APP: variants seen among roughly 807,000 people sequenced by gnomAD.
APP encodes the protein amyloid-beta precursor protein.
Under a neutral mutation model 101.4 loss-of-function variants are expected in APP, and 31 were observed. The ratio of observed to expected loss-of-function variants is 0.31; its 90% CI spans 0.23 to 0.41. The LOEUF (loss-of-function observed/expected upper bound fraction) is 0.41. Ranked by LOEUF, APP falls within the 10% of genes least tolerant of loss-of-function variation. The probability of loss-of-function intolerance (pLI) is 1.00; values close to 1 mark genes in which losing one functional copy is unlikely to be tolerated. For synonymous variants in APP, 366 were observed against 364.4 expected, an observed-to-expected ratio of 1.00 and a Z score of -0.05; for missense variants, 839 against 1,003.7, an observed-to-expected ratio of 0.84 and a Z score of 2.22.
chr21:26,016,203 T>C (rs2044053025), intron 6 of APP, among the ~76,000 whole-genome samples: 1 of 152,150 alleles, frequency 6.6e-6, no homozygotes, highest in South Asian at 2.1e-4. Flanking sequence ...GCTAATTTTT[T>C]TGTATTTTTA....
intron 17 of APP, among the ~76,000 whole-genome samples, chr21:25,885,073 C>T (rs1293245640): frequency 1.3e-5 from 2 of 152,242 alleles, no homozygotes; most frequent in African/African-American, 2.4e-5. Context: ...GCCATTCCTG[C>T]CATGGGGCAG....
intron 1 of APP, among the ~76,000 whole-genome samples, chr21:26,135,146 C>T (rs1030168635): frequency 7.9e-5 from 12 of 152,172 alleles, no homozygotes; most frequent in African/African-American, 2.9e-4. Context: ...TACAATTATG[C>T]TCTGTGCATA....
intron 2 of APP, among the ~76,000 whole-genome samples, chr21:26,098,332 T>A (rs982811676): frequency 6.6e-6 from 1 of 151,902 alleles, no homozygotes; most frequent in African/African-American, 2.4e-5. Flanking sequence ...CTTCTCACTA[T>A]CTCTCCAAGT....
Position 25,975,231 on chromosome 21 carries a change from G to A in APP, c.1300-3C>T, listed in dbSNP as rs1342453998. The A allele has an allele frequency of 6.2e-7, 1 of 1,614,160 alleles. No homozygotes were observed. Among genetic ancestry groups the A allele is most frequent in the Non-Finnish European group, 8.5e-7 (1 of 1,180,014 alleles). On this transcript the variant is annotated splice_region_variant and splice_polypyrimidine_tract_variant and intron_variant, in intron 10 of 17. Transcript: ENST00000346798. ...GATTCCACTTTCTCCTGGAAATGCT[G>A]CCATCATAAACACATATGTCCATGG...
intron 13 of APP, among the ~76,000 whole-genome samples, chr21:25,914,698 C>G (rs1296288733): frequency 6.6e-6 from 1 of 151,990 alleles, no homozygotes; most frequent in Admixed American, 6.6e-5. Flanking sequence ...GGACTACAGG[C>G]GCCCGCCACC....
chr21:26,017,925 T>C (rs2044173698), intron 6 of APP, among the ~76,000 whole-genome samples: 2 of 152,134 alleles, frequency 1.3e-5, no homozygotes, highest in African/African-American at 4.8e-5. Flanking sequence ...ACCAGATAGA[T>C]CTTGCAATCG....
At chr21:25,963,493 G>T (rs1166246805) in intron 11 of APP, among the ~76,000 whole-genome samples, 2 of 152,148 alleles carry the variant, frequency 1.3e-5, no homozygotes, top group Admixed American at 1.3e-4. Flanking sequence ...CACTGTACGG[G>T]AATCACCCCA....
intron 1 of APP, among the ~76,000 whole-genome samples, chr21:26,132,802 A>G (rs1365920101): frequency 6.6e-6 from 1 of 152,244 alleles, no homozygotes; most frequent in African/African-American, 2.4e-5. Context: ...CACCATCACA[A>G]CAGAACCCTA....
At chr21:25,897,083 T>C (rs942195774) in intron 16 of APP, among the ~76,000 whole-genome samples, 1 of 152,182 alleles carries the variant, frequency 6.6e-6, no homozygotes, top group Non-Finnish European at 1.5e-5. Context: ...ATGCACGAAC[T>C]TTGCTGCCTT....
At chr21:26,059,656 C>T (rs146737571) in intron 3 of APP, among the ~76,000 whole-genome samples, 5 of 152,072 alleles carry the variant, frequency 3.3e-5, no homozygotes, top group African/African-American at 1.2e-4. Context: ...TTTGGGAGGC[C>T]GAGACGGGTG....
intron 17 of APP, among the ~76,000 whole-genome samples, chr21:25,890,046 AC>A (rs1310708360): frequency 6.6e-6 from 1 of 152,200 alleles, no homozygotes; most frequent in Non-Finnish European, 1.5e-5. Flanking sequence ...CCTATCTTAC[AC>A]TGTTTTGAGG....
intron 14 of APP, among the ~76,000 whole-genome samples, chr21:25,905,755 C>G (rs1416845698): frequency 1.3e-5 from 2 of 152,118 alleles, no homozygotes; most frequent in Non-Finnish European, 2.9e-5. Flanking sequence ...ACAATTTTCC[C>G]TTTTTATGTG....
At chr21:26,080,170 CAA>C (rs2061568746) in intron 3 of APP, among the ~76,000 whole-genome samples, 1 of 152,124 alleles carries the variant, frequency 6.6e-6, no homozygotes, top group Admixed American at 6.5e-5. Flanking sequence ...GAAATTAACA[CAA>C]AATATGTTTA....
chr21:25,914,832 C>G (rs2039275867), intron 13 of APP, among the ~76,000 whole-genome samples: 1 of 152,318 alleles, frequency 6.6e-6, no homozygotes, highest in Non-Finnish European at 1.5e-5. Context: ...GGATTACAGG[C>G]GTGAGCCACT....
chr21:26,015,349 A>G (rs2044005565), intron 6 of APP, among the ~76,000 whole-genome samples: 1 of 152,208 alleles, frequency 6.6e-6, no homozygotes, highest in Non-Finnish European at 1.5e-5. Context: ...CCTATAAATT[A>G]ATTAATTTAA....
intron 2 of APP, among the ~76,000 whole-genome samples, chr21:26,108,899 A>G (rs1455920885): frequency 1.3e-5 from 2 of 152,128 alleles, no homozygotes; most frequent in African/African-American, 2.4e-5. Context: ...ACAAAAGAAA[A>G]AAAAAGAAAA....
intron 1 of APP, among the ~76,000 whole-genome samples, chr21:26,160,816 A>G (rs1225648894): frequency 6.6e-6 from 1 of 152,216 alleles, no homozygotes; most frequent in Non-Finnish European, 1.5e-5. Context: ...CAATCAGGGC[A>G]TGGATGAAAT....
At chr21:26,061,002 T>A (rs2046245425) in intron 3 of APP, among the ~76,000 whole-genome samples, 1 of 152,118 alleles carries the variant, frequency 6.6e-6, no homozygotes, top group Non-Finnish European at 1.5e-5. Context: ...TTTTCTAAGC[T>A]AATTATTCTT....
At chr21:26,093,853 C>T (rs2061880325) in intron 2 of APP, among the ~76,000 whole-genome samples, 1 of 152,252 alleles carries the variant, frequency 6.6e-6, no homozygotes, top group Non-Finnish European at 1.5e-5. Flanking sequence ...CAGTGGCACA[C>T]ACCTGTAATC....
Sources: allele counts gnomAD v4.1 joint callset (sites outside exome capture counted in the v4.1 genomes callset), GRCh38; gene constraint gnomAD v4.1.1; transcripts MANE v1.5; gene names NCBI Gene and HGNC (gene_info 2026-07-23, HGNC 2026-07-21).